ULK4: variants seen among roughly 807,000 people sequenced by gnomAD.
The protein encoded by ULK4 is unc-51 like kinase 4, also known as inactive serine/threonine-protein kinase ULK4.
In ULK4, 133 loss-of-function variants were observed where a neutral mutation model predicts 160.6. The observed-to-expected ratio is 0.83, with a 90% CI of 0.72 to 0.96. The LOEUF is 0.96. Among genes scored for constraint, ULK4 ranks in the 40% least tolerant of loss-of-function variants. ULK4 has a pLI of 0.00. For synonymous variants in ULK4, 534 were observed against 539.8 expected (o/e 0.99, Z 0.15); for missense variants, 1,580 against 1,499.5 (o/e 1.05, Z -0.89).
At chr3:41,746,259 C>A in intron 22 of ULK4, among the ~76,000 whole-genome samples, 4 of 111,186 alleles carry the variant, frequency 3.6e-5, no homozygotes, top group South Asian at 2.6e-4. Flanking sequence ...TATAGAAAAT[C>A]TCCTGGAACC....
At chr3:41,491,083 C>G (rs995731029) in intron 32 of ULK4, among the ~76,000 whole-genome samples, 9 of 152,170 alleles carry the variant, frequency 5.9e-5, no homozygotes, top group South Asian at 2.1e-4. Context: ...ACACATTTAA[C>G]AAGAACTGTC....
At chr3:41,950,091 C>A (rs558467369) in intron 2 of ULK4, among the ~76,000 whole-genome samples, 68 of 144,512 alleles carry the variant, frequency 4.7e-4, no homozygotes, top group South Asian at 2.6e-3. Flanking sequence ...TTTTATTTTT[C>A]TTTTTTTTTT....
chr3:41,737,618 T>G (rs1438482619), intron 22 of ULK4, among the ~76,000 whole-genome samples: 1 of 151,958 alleles, frequency 6.6e-6, no homozygotes, highest in African/African-American at 2.4e-5. Context: ...CATTTTTATC[T>G]GTTTAATGCA....
chr3:41,330,290 A>C (rs886965056), intron 35 of ULK4, among the ~76,000 whole-genome samples: 1 of 152,086 alleles, frequency 6.6e-6, no homozygotes, highest in Non-Finnish European at 1.5e-5. Flanking sequence ...TTAACCCTAT[A>C]CTGACTGCCT....
At chr3:41,393,106 A>G (rs906827318) in intron 35 of ULK4, among the ~76,000 whole-genome samples, 8 of 152,192 alleles carry the variant, frequency 5.3e-5, no homozygotes, top group Admixed American at 4.6e-4. Context: ...ATGTGTCTGC[A>G]AAGTACTAAC....
chr3:41,757,619 G>A (rs1295578418), intron 21 of ULK4, among the ~76,000 whole-genome samples: 25 of 133,142 alleles, frequency 1.9e-4, no homozygotes, highest in Non-Finnish European at 3.5e-4. Flanking sequence ...GCAACAGAGC[G>A]AGACTCTCTC....
rs562379317 is a variant in ULK4 at position 41,432,077 on chromosome 3, T to G, written c.3492+23420A>C. The stretch of plus-strand genomic sequence containing the variant: ...AAGGACTATTTCTTTTTTATTGTTG[T>G]TACTTGTAAATGCACAGCTCCATGC... On this transcript the variant is annotated intron_variant, in intron 34 of 36. Coordinates refer to ENST00000301831, the MANE Select transcript of ULK4 (RefSeq NM_017886.4). Among the ~76,000 whole-genome samples the G allele has an allele frequency of 3.5e-4, 53 of 152,234 alleles. 2 individuals carry two copies. The South Asian group carries it at 0.011, about 30-fold the overall frequency.
chr3:41,329,269 T>C (rs1029592780), intron 35 of ULK4, among the ~76,000 whole-genome samples: 1 of 152,236 alleles, frequency 6.6e-6, no homozygotes, highest in Non-Finnish European at 1.5e-5. Flanking sequence ...CTGGCTACTC[T>C]GAAATCTCTG....
At position 41,701,875 on chromosome 3, in the gene ULK4, T is replaced by C. The variant is rs576517579; in HGVS notation, c.2781+3182A>G. Among the ~76,000 whole-genome samples the C allele has an allele frequency of 3.3e-5, 5 of 152,176 alleles. No homozygotes were observed. In the South Asian group the frequency reaches 1.0e-3, roughly 32 times the overall value. On this transcript the variant is annotated intron_variant, in intron 27 of 36. Coordinates refer to ENST00000301831, the MANE Select transcript of ULK4 (RefSeq NM_017886.4). ...TTAGCTTTTAATACATTAATAGGCA[T>C]GATGTAAATTTTAAAGTAACCAGTA...
chr3:41,634,766 A>T (rs2033883689), intron 30 of ULK4, among the ~76,000 whole-genome samples: 1 of 152,208 alleles, frequency 6.6e-6, no homozygotes, highest in East Asian at 1.9e-4. Context: ...ATTTATGTTA[A>T]ACATGGATGT....
intron 27 of ULK4, among the ~76,000 whole-genome samples, chr3:41,703,744 C>G (rs2036762527): frequency 6.6e-6 from 1 of 151,728 alleles, no homozygotes; most frequent in Non-Finnish European, 1.5e-5. Flanking sequence ...CCAAATCTGT[C>G]TTAAAAAAAA....
At chr3:41,626,258 A>G (rs919183915) in intron 30 of ULK4, among the ~76,000 whole-genome samples, 14 of 152,222 alleles carry the variant, frequency 9.2e-5, no homozygotes, top group African/African-American at 3.1e-4. Context: ...TGTTACCCTT[A>G]ATGTTGGAAA....
At chr3:41,522,844 G>C (rs1308011730) in intron 32 of ULK4, among the ~76,000 whole-genome samples, 1 of 152,212 alleles carries the variant, frequency 6.6e-6, no homozygotes, top group Non-Finnish European at 1.5e-5. Flanking sequence ...CCAGCTGTGT[G>C]TTATCACAAG....
chr3:41,527,877 G>C (rs985814524), intron 32 of ULK4, among the ~76,000 whole-genome samples: 1 of 152,110 alleles, frequency 6.6e-6, no homozygotes, highest in Non-Finnish European at 1.5e-5. Flanking sequence ...GATATAGTTA[G>C]AACAGAATAG....
intron 32 of ULK4, among the ~76,000 whole-genome samples, chr3:41,549,310 T>C (rs906220473): frequency 5.9e-5 from 9 of 152,134 alleles, no homozygotes; most frequent in African/African-American, 1.9e-4. Flanking sequence ...AAACAACTCA[T>C]GATATCAATG....
intron 17 of ULK4, chr3:41,869,153 GTTTTT>G (rs1051280107): frequency 2.0e-5 from 3 of 148,050 alleles, no homozygotes; most frequent in Admixed American, 6.8e-5. Flanking sequence ...GTTTTTCAGG[GTTTTT>G]TTTTTAACTG....
At chr3:41,416,607 T>C (rs1189422642) in intron 34 of ULK4, among the ~76,000 whole-genome samples, 1 of 152,166 alleles carries the variant, frequency 6.6e-6, no homozygotes, top group African/African-American at 2.4e-5. Flanking sequence ...TTAGTGATAC[T>C]ACAGAGGTTT....
chr3:41,852,150 A>C (rs948498199), intron 17 of ULK4, among the ~76,000 whole-genome samples: 1 of 152,212 alleles, frequency 6.6e-6, no homozygotes, highest in African/African-American at 2.4e-5. Context: ...AAATGGATAA[A>C]TTCCTCGACA....
At chr3:41,588,267 G>C (rs551188570) in intron 31 of ULK4, among the ~76,000 whole-genome samples, 1 of 152,286 alleles carries the variant, frequency 6.6e-6, no homozygotes, top group South Asian at 2.1e-4. Flanking sequence ...ATGATCCTCT[G>C]TAGAATGCAA....
Sources: allele counts gnomAD v4.1 joint callset (sites outside exome capture counted in the v4.1 genomes callset), GRCh38; gene constraint gnomAD v4.1.1; transcripts MANE v1.5; gene names NCBI Gene and HGNC (gene_info 2026-07-23, HGNC 2026-07-21).